Variants in MARCHF1 observed in about 807,000 individuals in gnomAD.
MARCHF1 encodes the protein membrane associated ring-CH-type finger 1.
MARCHF1 carries 40 observed loss-of-function variants against 54.2 expected under a neutral mutation model. The observed-to-expected ratio is 0.74, with a 90% CI of 0.57 to 0.96. The LOEUF (loss-of-function observed/expected upper bound fraction) is 0.96. MARCHF1 is among the 40% of genes least tolerant of loss of function. The pLI is 0.00. For missense variants in MARCHF1, 586 were observed against 656.5 expected (o/e 0.89, Z 1.17); for synonymous variants, 236 against 236.3 (o/e 1.00, Z 0.01).
intron 1 of MARCHF1, among the ~76,000 whole-genome samples, chr4:164,315,231 C>CA (rs58264322): frequency 0.31 from 31,182 of 100,972 alleles, 3,956 homozygotes; most frequent in East Asian, 0.42. Flanking sequence ...GTTAATTTAA[C>CA]AAAAAAAAAA....
intron 2 of MARCHF1, among the ~76,000 whole-genome samples, chr4:164,065,306 A>T (rs1002243787): frequency 6.6e-6 from 1 of 152,218 alleles, no homozygotes; most frequent in Non-Finnish European, 1.5e-5. Flanking sequence ...TGAATTAAAG[A>T]CTTAAATGTA....
intron 3 of MARCHF1, among the ~76,000 whole-genome samples, chr4:163,893,141 A>T (rs1489980860): frequency 1.3e-5 from 2 of 149,348 alleles, no homozygotes; most frequent in African/African-American, 2.5e-5. Context: ...TACATACTTT[A>T]AAAAAAATTT....
intron 2 of MARCHF1, among the ~76,000 whole-genome samples, chr4:164,069,777 G>A (rs905691912): frequency 3.3e-5 from 5 of 152,062 alleles, no homozygotes; most frequent in African/African-American, 9.7e-5. Flanking sequence ...TATACCCAAA[G>A]GAAAATAAAT....
intron 2 of MARCHF1, among the ~76,000 whole-genome samples, chr4:164,012,308 G>A (rs1464897267): frequency 1.3e-5 from 2 of 151,988 alleles, no homozygotes; most frequent in African/African-American, 4.8e-5. Flanking sequence ...CTTGACAGAA[G>A]GTGAGTACAG....
At position 163,665,243 on chromosome 4, in the gene MARCHF1, A is replaced by C. The variant is rs151125550; in HGVS notation, c.162+35570T>G. Among the ~76,000 whole-genome samples the C allele has an allele frequency of 3.6e-3, 551 of 152,266 alleles. 2 individuals are homozygous for C. The highest frequency in any genetic ancestry group is 0.012 in the African/African-American group (516 of 41,568). ...CATAATATTTAGTAATGTAGACTAA[A>C]ATAATGATACAAATGCAAATTACAA... On this transcript the variant is annotated intron_variant, in intron 5 of 9. Transcript: ENST00000514618.
chr4:164,073,068 G>T (rs1397229061), intron 2 of MARCHF1, among the ~76,000 whole-genome samples: 4 of 152,194 alleles, frequency 2.6e-5, no homozygotes, highest in Non-Finnish European at 4.4e-5. Context: ...AATTCCAGAA[G>T]AGGGGAAAAA....
chr4:163,862,830 G>A (rs1396249481), intron 3 of MARCHF1, among the ~76,000 whole-genome samples: 3 of 151,970 alleles, frequency 2.0e-5, no homozygotes, highest in African/African-American at 7.2e-5. Flanking sequence ...CCTTCAATAG[G>A]TGAATGGATA....
At chr4:163,991,683 C>G (rs1214154534) in intron 2 of MARCHF1, among the ~76,000 whole-genome samples, 2 of 152,172 alleles carry the variant, frequency 1.3e-5, no homozygotes, top group African/African-American at 2.4e-5. Context: ...CATATGTGAT[C>G]ACATTATGTG....
In MARCHF1 at chr4:163,528,816, C is replaced by G; in HGVS notation, c.1570G>C (p.Val524Leu). The change falls in exon 10 of 10, where the codon GTA becomes CTA. Residue 524 changes from valine to leucine, a missense_variant. Around this residue, in one of 3 missense-constraint regions of MARCHF1, gnomAD observed 106 missense variants for 93.8 expected, o/e 1.13. Transcript: ENST00000514618. ...AGTGAATTTGCACCTGTTTGTGGTA[C>G]AGGCACTACCACAGCATCTTTGATG... ...TDIKDAVVVP[V>L]PQTGANSLPS... is the part of the protein sequence containing the mutation. The G allele has an allele frequency of 1.2e-6, 2 of 1,613,248 alleles. No individual in the cohort carries two copies. Among genetic ancestry groups the G allele is most frequent in the Non-Finnish European group, 1.7e-6 (2 of 1,179,462 alleles).
At chr4:163,885,525 C>G in intron 3 of MARCHF1, among the ~76,000 whole-genome samples, 1 of 152,018 alleles carries the variant, frequency 6.6e-6, no homozygotes. Context: ...CAAATAATAA[C>G]AAAATTCTCA....
intron 5 of MARCHF1, among the ~76,000 whole-genome samples, chr4:163,650,580 GTTCTC>G (rs1308691446): frequency 4.0e-5 from 6 of 151,848 alleles, no homozygotes; most frequent in African/African-American, 1.5e-4. Flanking sequence ...TACTATGTTA[GTTCTC>G]TTCTTTCTTA....
chr4:163,613,638 T>A, intron 5 of MARCHF1: 3 of 1,418,786 alleles, frequency 2.1e-6, no homozygotes, highest in Non-Finnish European at 2.8e-6. Flanking sequence ...GAGAGGAAGA[T>A]GATTCCACAA....
intron 1 of MARCHF1, among the ~76,000 whole-genome samples, chr4:164,293,071 CTGAGTA>C (rs1463180190): frequency 6.6e-6 from 1 of 151,984 alleles, no homozygotes; most frequent in Non-Finnish European, 1.5e-5. Context: ...TTTATTGTTT[CTGAGTA>C]TAAGAAATTA....
intron 3 of MARCHF1, among the ~76,000 whole-genome samples, chr4:163,940,018 C>T (rs1190552609): frequency 6.6e-6 from 1 of 152,118 alleles, no homozygotes; most frequent in East Asian, 1.9e-4. Flanking sequence ...ACAAGGGTGA[C>T]ACCCTCATGA....
chr4:163,840,434 G>T (rs1272216607), intron 4 of MARCHF1, among the ~76,000 whole-genome samples: 1 of 152,032 alleles, frequency 6.6e-6, no homozygotes, highest in East Asian at 1.9e-4. Flanking sequence ...GTGCAAATTT[G>T]TTTCATGGGT....
intron 3 of MARCHF1, among the ~76,000 whole-genome samples, chr4:163,870,003 T>C (rs1312536718): frequency 7.2e-5 from 11 of 152,088 alleles, no homozygotes; most frequent in Admixed American, 7.2e-4. Flanking sequence ...GAGAGAAATA[T>C]AAAGCCTAAG....
chr4:163,612,092 C>T (rs1741360192), intron 7 of MARCHF1, among the ~76,000 whole-genome samples, 179 bp downstream of exon 7: 1 of 152,062 alleles, frequency 6.6e-6, no homozygotes, highest in African/African-American at 2.4e-5. Flanking sequence ...AGCTTTCACA[C>T]CCATGTTTAC....
At position 164,143,322 on chromosome 4, in the gene MARCHF1, C is replaced by T. The variant is rs879258950; in HGVS notation, c.-322-31660G>A. Among the ~76,000 whole-genome samples, 1,323 of 144,126 alleles carry T rather than the reference C, an allele frequency of 9.2e-3. 18 individuals carry two copies. Among genetic ancestry groups the T allele is most frequent in the African/African-American group, 0.029 (1,124 of 38,490 alleles). The allele number at this position is 144,126 out of a possible 152,430, so 94.6% of individuals were successfully genotyped here. On this transcript the variant is annotated intron_variant, in intron 1 of 9. Coordinates refer to ENST00000514618, the MANE Select transcript of MARCHF1 (RefSeq NM_001394959.1). ...GTTCAGATTCAGGAAATACAGAGAA[C>T]GCCACAAAGATACTCCTCGAGAAGA...
intron 7 of MARCHF1, among the ~76,000 whole-genome samples, chr4:163,604,075 C>T (rs1454135386): frequency 5.3e-5 from 8 of 152,090 alleles, no homozygotes; most frequent in Non-Finnish European, 1.2e-4. Flanking sequence ...GAATATTGAA[C>T]ATTGCTAGTC....
Sources: gnomAD v4.1 joint callset for allele counts (sites outside exome capture counted in the v4.1 genomes callset) on GRCh38, gnomAD v4.1.1 for gene constraint, gnomAD v4.1.1 regional missense constraint, MANE v1.5 for transcripts, NCBI Gene and HGNC (gene_info 2026-07-23, HGNC 2026-07-21) for gene names.